TRAPPC9: variants seen among roughly 807,000 people sequenced by gnomAD.
The protein encoded by TRAPPC9 is IKK2 binding protein.
A neutral mutation model predicts 124.0 loss-of-function variants in TRAPPC9; 83 were observed. The observed-to-expected ratio is 0.67, with a 90% CI of 0.56 to 0.80. TRAPPC9 has a LOEUF of 0.80. Among genes scored for constraint, TRAPPC9 ranks in the 30% least tolerant of loss-of-function variants. The probability of loss-of-function intolerance (pLI) is 0.00; values close to 1 mark genes in which losing one functional copy is unlikely to be tolerated. For missense variants in TRAPPC9, 1,302 were observed against 1,508.3 expected, an observed-to-expected ratio of 0.86 and a Z score of 2.27; for synonymous variants, 638 against 617.5, an observed-to-expected ratio of 1.03 and a Z score of -0.49.
chr8:139,774,672 T>A (rs1409159868), intron 21 of TRAPPC9, among the ~76,000 whole-genome samples: 1 of 152,144 alleles, frequency 6.6e-6, no homozygotes, highest in East Asian at 1.9e-4. Flanking sequence ...TCCACAACAT[T>A]TCCCGGAGGA....
At chr8:139,929,690 C>A (rs1168572443) in intron 19 of TRAPPC9, among the ~76,000 whole-genome samples, 1 of 152,260 alleles carries the variant, frequency 6.6e-6, no homozygotes, top group Non-Finnish European at 1.5e-5. Context: ...TCTGCATATG[C>A]CCTGCTGCTT....
intron 19 of TRAPPC9, among the ~76,000 whole-genome samples, chr8:139,913,399 T>C (rs1018645146): frequency 6.6e-6 from 1 of 152,252 alleles, no homozygotes; most frequent in East Asian, 1.9e-4. Context: ...CCAAGCCATC[T>C]GGCCCAACAT....
At chr8:140,136,386 G>A (rs982808075) in intron 17 of TRAPPC9, among the ~76,000 whole-genome samples, 1 of 152,174 alleles carries the variant, frequency 6.6e-6, no homozygotes, top group Admixed American at 6.5e-5. Context: ...CAAACTCCCC[G>A]CTCAGAGCCT....
intron 17 of TRAPPC9, among the ~76,000 whole-genome samples, chr8:140,190,281 C>A (rs979764797): frequency 7.2e-5 from 11 of 151,980 alleles, no homozygotes; most frequent in Non-Finnish European, 1.6e-4. Context: ...CATGGTGAAA[C>A]CCTGTCTCTA....
intron 21 of TRAPPC9, among the ~76,000 whole-genome samples, chr8:139,877,641 C>T (rs2131072623): frequency 6.6e-6 from 1 of 152,264 alleles, no homozygotes; most frequent in East Asian, 1.9e-4. Context: ...TTCTGGTGGT[C>T]CCCCACTGCC....
chr8:139,745,750 G>A (rs1338510118), intron 21 of TRAPPC9, among the ~76,000 whole-genome samples: 1 of 152,258 alleles, frequency 6.6e-6, no homozygotes, highest in African/African-American at 2.4e-5. Flanking sequence ...GATGGAGCGG[G>A]CAGTTGGGGG....
intron 17 of TRAPPC9, among the ~76,000 whole-genome samples, chr8:140,144,637 T>G (rs1286930313): frequency 6.6e-6 from 1 of 152,002 alleles, no homozygotes; most frequent in Non-Finnish European, 1.5e-5. Context: ...TACAGGCACC[T>G]GCCACCACAC....
intron 20 of TRAPPC9, among the ~76,000 whole-genome samples, chr8:139,892,572 G>A (rs538581432): frequency 9.8e-5 from 15 of 152,332 alleles, no homozygotes; most frequent in South Asian, 4.1e-4. Context: ...CCAGTCACGG[G>A]TAACACGCAC....
chr8:140,329,612 A>G (rs2066842465), intron 9 of TRAPPC9, among the ~76,000 whole-genome samples: 1 of 152,240 alleles, frequency 6.6e-6, no homozygotes, highest in South Asian at 2.1e-4. Flanking sequence ...TTCAAAGGCC[A>G]CACTGCTAGT....
At chr8:139,763,784 G>A (rs758657974) in intron 21 of TRAPPC9, among the ~76,000 whole-genome samples, 3 of 152,226 alleles carry the variant, frequency 2.0e-5, no homozygotes, top group Non-Finnish European at 2.9e-5. Flanking sequence ...AGACCAGGTC[G>A]AAGCTGTACA....
Position 140,450,930 on chromosome 8 carries a change from G to A in TRAPPC9, c.444C>T (p.Ile148=), listed in dbSNP as rs777433211. The A allele has an allele frequency of 9.3e-6, 15 of 1,614,006 alleles. No homozygotes were observed. The highest frequency in any genetic ancestry group is 2.2e-5 in the South Asian group (2 of 91,086). Residue 148 remains isoleucine, a synonymous_variant, in exon 2 of 23, where the codon ATC becomes ATT. Coordinates refer to ENST00000438773, the MANE Select transcript of TRAPPC9 (RefSeq NM_001160372.4). ...YEDCQTVEKR[I]EDFIESLFIV... is the part of the protein sequence containing the mutation. Reference sequence around the variant, plus strand: ...TGAACAGTGACTCGATGAAGTCCTCGATTCTCTTCTCCACCGTCTGGCAGT... The same window carrying A: ...TGAACAGTGACTCGATGAAGTCCTCAATTCTCTTCTCCACCGTCTGGCAGT...
chr8:139,885,965 G>T lies in TRAPPC9; in HGVS notation c.2969C>A (p.Ser990Tyr). The T allele has an allele frequency of 6.4e-7, 1 of 1,564,600 alleles. No homozygotes were observed. Residue 990 changes from serine (S) to tyrosine (Y), a missense_variant, in exon 21 of 23, where the codon TCC becomes TAC. Ser to Tyr is a moderately radical substitution (Grantham distance 144, BLOSUM62 -2). Coordinates refer to ENST00000438773, the MANE Select transcript of TRAPPC9 (RefSeq NM_001160372.4). ...ACTCGCCTCGCCACTGCGCTTCAGGGAGGGGTGAGCCTTGGTCAAGGAAAA... is the reference window on the plus strand; with the variant it reads ...ACTCGCCTCGCCACTGCGCTTCAGGTAGGGGTGAGCCTTGGTCAAGGAAAA... ...SKLGICWRIPSLKRSGEASVE... is the reference protein window; with the variant it reads ...SKLGICWRIPYLKRSGEASVE...
intron 21 of TRAPPC9, among the ~76,000 whole-genome samples, chr8:139,741,191 C>A (rs115132345): frequency 1.3e-5 from 2 of 152,108 alleles, no homozygotes; most frequent in South Asian, 2.1e-4. Flanking sequence ...AAGCTCCCCC[C>A]GGGCGTGATG....
At chr8:139,887,008 T>G (rs1830055495) in intron 20 of TRAPPC9, among the ~76,000 whole-genome samples, 1 of 151,256 alleles carries the variant, frequency 6.6e-6, no homozygotes, top group African/African-American at 2.4e-5. Flanking sequence ...CATGGGGGAG[T>G]CGGGCTCAGA....
At chr8:140,358,811 G>C (rs1033108825) in intron 9 of TRAPPC9, among the ~76,000 whole-genome samples, 1 of 152,184 alleles carries the variant, frequency 6.6e-6, no homozygotes, top group Non-Finnish European at 1.5e-5. Context: ...TTCCCCAGGG[G>C]AGAGTGCTGC....
At position 140,128,123 on chromosome 8, in the gene TRAPPC9, G is replaced by T. The variant is rs540532111; in HGVS notation, c.2556+93336C>A. ...TTAGAATTTACAATTGTGTTAATTTGTTTTTATCAATACCAAAGGCAACAA... is the reference window on the plus strand; with the variant it reads ...TTAGAATTTACAATTGTGTTAATTTTTTTTTATCAATACCAAAGGCAACAA... On this transcript the variant is annotated intron_variant, in intron 17 of 22. Transcript: ENST00000438773. Among the ~76,000 whole-genome samples the T allele has an allele frequency of 9.4e-4, 143 of 152,346 alleles. 1 individual carries two copies. Among genetic ancestry groups the T allele is most frequent in the Non-Finnish European group, 1.7e-3 (118 of 68,024 alleles).
At chr8:139,925,609 G>A (rs1752234205) in intron 19 of TRAPPC9, among the ~76,000 whole-genome samples, 1 of 152,160 alleles carries the variant, frequency 6.6e-6, no homozygotes, top group African/African-American at 2.4e-5. Context: ...CTAGCTGGGT[G>A]TGGTAGTGCA....
intron 21 of TRAPPC9, among the ~76,000 whole-genome samples, chr8:139,864,658 G>C (rs1324433334): frequency 6.6e-6 from 1 of 152,088 alleles, no homozygotes; most frequent in East Asian, 1.9e-4. Flanking sequence ...GGGAGCAATG[G>C]ACAGCGTCTG....
At position 140,443,113 on chromosome 8, in the gene TRAPPC9, C is replaced by A. The variant is rs140830430; in HGVS notation, c.585-3916G>T. 8.1e-4 allele frequency among the ~76,000 whole-genome samples: 83 copies of A among 102,954 alleles called. No individual in the cohort carries two copies. In the East Asian group the frequency reaches 0.026, roughly 32 times the overall value. 67.5% of individuals were successfully genotyped at this position (102,954 alleles called of 152,430 possible). ...GCACCACTGCACTCTGGCCTGGCAACGGAGCGAGACTCCATCTCAAAAAAA... is the reference window on the plus strand; with the variant it reads ...GCACCACTGCACTCTGGCCTGGCAAAGGAGCGAGACTCCATCTCAAAAAAA... On this transcript the variant is annotated intron_variant, in intron 2 of 22. Transcript: ENST00000438773.
Sources: gnomAD v4.1 joint callset for allele counts (sites outside exome capture counted in the v4.1 genomes callset) on GRCh38, gnomAD v4.1.1 for gene constraint, MANE v1.5 for transcripts, NCBI Gene and HGNC (gene_info 2026-07-23, HGNC 2026-07-21) for gene names.